The following ADAM18 variants were observed in gnomAD, a reference collection of about 807,000 sequenced individuals.
The protein encoded by ADAM18 is ADAM metallopeptidase domain 18.
A neutral mutation model predicts 94.4 loss-of-function variants in ADAM18; 117 were observed. The observed-to-expected ratio is 1.24, with a 90% confidence interval of 1.07 to 1.45. The LOEUF (loss-of-function observed/expected upper bound fraction) is 1.45, where lower values mean the gene tolerates loss of function less well. ADAM18 is among the 40% of genes most tolerant of loss of function. The probability of loss-of-function intolerance (pLI) is 0.00; values close to 1 mark genes in which losing one functional copy is unlikely to be tolerated. For missense variants in ADAM18, 936 were observed against 880.0 expected (o/e 1.06, Z -0.81); for synonymous variants, 327 against 291.6 (o/e 1.12, Z -1.24).
At chr8:39,673,297 C>T (rs1821206916) in intron 14 of ADAM18, among the ~76,000 whole-genome samples, 1 of 152,016 alleles carries the variant, frequency 6.6e-6, no homozygotes, top group Non-Finnish European at 1.5e-5. Flanking sequence ...AGTGTAACCC[C>T]TGATTTGGCA....
intron 6 of ADAM18, among the ~76,000 whole-genome samples, chr8:39,622,606 T>A (rs1045114095): frequency 5.3e-5 from 8 of 151,936 alleles, no homozygotes; most frequent in African/African-American, 1.9e-4. Context: ...TAGAAAAACA[T>A]CTAGTTTTGT....
intron 9 of ADAM18, 126 bp from the exon 10 acceptor site, chr8:39,638,339 C>T: frequency 9.7e-6 from 5 of 514,220 alleles, no homozygotes; most frequent in Admixed American, 3.8e-5. Context: ...TAGATATTAC[C>T]TAGTTTGAAG....
chr8:39,636,181 G>A (rs1249905947), intron 7 of ADAM18, among the ~76,000 whole-genome samples: 1 of 151,724 alleles, frequency 6.6e-6, no homozygotes, highest in Non-Finnish European at 1.5e-5. Flanking sequence ...ACAATGCCTG[G>A]ATAATTTTTT....
At chr8:39,603,290 A>G (rs1249761200) in intron 2 of ADAM18, among the ~76,000 whole-genome samples, 2 of 152,182 alleles carry the variant, frequency 1.3e-5, no homozygotes, top group Admixed American at 1.3e-4. Flanking sequence ...TTGAAATTAG[A>G]TAAGGTAATT....
At chr8:39,587,662 T>A (rs538953712) in intron 2 of ADAM18, among the ~76,000 whole-genome samples, 1 of 152,258 alleles carries the variant, frequency 6.6e-6, no homozygotes, top group Admixed American at 6.5e-5. Flanking sequence ...GCCAAGCTGG[T>A]CTTGAACTCC....
intron 4 of ADAM18, 36 bp from the exon 5 acceptor site, chr8:39,609,449 G>A (rs111809019): frequency 1.1e-5 from 16 of 1,467,398 alleles, no homozygotes; most frequent in African/African-American, 4.2e-5. Flanking sequence ...TATTCACAAC[G>A]AATTTATATA....
intron 2 of ADAM18, among the ~76,000 whole-genome samples, chr8:39,598,899 C>T (rs1818820621): frequency 6.6e-6 from 1 of 152,004 alleles, no homozygotes; most frequent in African/African-American, 2.4e-5. Flanking sequence ...GCAACCATCA[C>T]CTCCTGGGTT....
chr8:39,627,076 C>A (rs1819790095), intron 6 of ADAM18, among the ~76,000 whole-genome samples: 2 of 151,906 alleles, frequency 1.3e-5, no homozygotes, highest in Non-Finnish European at 2.9e-5. Context: ...GTGGGAGCAC[C>A]AAAGTTAGAT....
intron 18 of ADAM18, among the ~76,000 whole-genome samples, chr8:39,714,108 C>G (rs560039057): frequency 5.3e-5 from 8 of 152,154 alleles, no homozygotes; most frequent in African/African-American, 1.9e-4. Flanking sequence ...TACTATGCAC[C>G]CATAAAAAAG....
At chr8:39,696,944 G>T (rs552666162) in intron 17 of ADAM18, among the ~76,000 whole-genome samples, 2 of 151,518 alleles carry the variant, frequency 1.3e-5, no homozygotes, top group Non-Finnish European at 3.0e-5. Flanking sequence ...TGAATCTGTA[G>T]ATTGGCTTGG....
intron 17 of ADAM18, among the ~76,000 whole-genome samples, chr8:39,701,117 CAA>C (rs71237188): frequency 1.7e-3 from 57 of 34,534 alleles, no homozygotes; most frequent in Non-Finnish European, 2.4e-3. Flanking sequence ...GACTCTGTCT[CAA>C]AAAAAAAAAA....
intron 14 of ADAM18, among the ~76,000 whole-genome samples, chr8:39,670,944 A>G (rs1283772212): frequency 6.6e-6 from 1 of 152,208 alleles, no homozygotes; most frequent in African/African-American, 2.4e-5. Flanking sequence ...TCAAACACAC[A>G]CTGGCAGGTT....
chr8:39,700,215 A>T (rs1440786089), intron 17 of ADAM18, among the ~76,000 whole-genome samples: 2 of 152,234 alleles, frequency 1.3e-5, no homozygotes, highest in African/African-American at 4.8e-5. Flanking sequence ...TAGAAATTTT[A>T]ACATCAAATT....
At chr8:39,720,626 T>C (rs768479275) in intron 18 of ADAM18, among the ~76,000 whole-genome samples, 2 of 151,438 alleles carry the variant, frequency 1.3e-5, no homozygotes, top group Non-Finnish European at 3.0e-5. Context: ...AAACAAAAAA[T>C]ATTTAAAATA....
At chr8:39,667,218 A>G (rs1245887790) in intron 13 of ADAM18, among the ~76,000 whole-genome samples, 2 of 151,968 alleles carry the variant, frequency 1.3e-5, no homozygotes, top group Non-Finnish European at 2.9e-5. Flanking sequence ...CCTGACTAAC[A>G]TGGTGAAACC....
At chr8:39,653,024 G>T (rs1422213598) in intron 12 of ADAM18, among the ~76,000 whole-genome samples, 1 of 152,170 alleles carries the variant, frequency 6.6e-6, no homozygotes, top group Non-Finnish European at 1.5e-5. Flanking sequence ...GGGGCTGGGA[G>T]TGGGAAACTG....
At chr8:39,677,290 C>T in intron 14 of ADAM18, 141 bp from the exon 15 acceptor site, 1 of 593,278 alleles carries the variant, frequency 1.7e-6, no homozygotes, top group Non-Finnish European at 2.9e-6. Context: ...TTTCTACTTG[C>T]ATTGACAGGG....
intron 3 of ADAM18, among the ~76,000 whole-genome samples, chr8:39,607,193 A>G (rs1222884082): frequency 6.6e-6 from 1 of 152,224 alleles, no homozygotes; most frequent in African/African-American, 2.4e-5. Flanking sequence ...TGTTGCCACC[A>G]TCAAATATAA....
intron 18 of ADAM18, among the ~76,000 whole-genome samples, chr8:39,719,616 A>T (rs1191546411): frequency 6.6e-6 from 1 of 151,484 alleles, no homozygotes; most frequent in African/African-American, 2.4e-5. Flanking sequence ...ACTTAATTTA[A>T]AAAACCAACT....
Sources: allele counts gnomAD v4.1 joint callset (sites outside exome capture counted in the v4.1 genomes callset), GRCh38; gene constraint gnomAD v4.1.1; transcripts MANE v1.5; gene names NCBI Gene and HGNC (gene_info 2026-07-23, HGNC 2026-07-21).